Variants in SMUG1 observed in about 807,000 individuals in gnomAD.
The protein encoded by SMUG1 is single-strand-selective monofunctional uracil-DNA glycosylase 1.
Under a neutral mutation model 23.9 loss-of-function variants are expected in SMUG1, and 13 were observed. The observed-to-expected ratio is 0.54, with a 90% CI of 0.35 to 0.86. The LOEUF is 0.86. Ranked by LOEUF, SMUG1 falls within the 40% of genes least tolerant of loss-of-function variation. The pLI, the probability that SMUG1 is intolerant of heterozygous loss-of-function variation, is 0.01. For synonymous variants in SMUG1, 133 were observed against 139.8 expected, an observed-to-expected ratio of 0.95 and a Z score of 0.34; for missense variants, 313 against 339.5, an observed-to-expected ratio of 0.92 and a Z score of 0.61.
At chr12:54,171,830 T>A (rs1259491947) in intron 3 of SMUG1, among the ~76,000 whole-genome samples, 1 of 152,108 alleles carries the variant, frequency 6.6e-6, no homozygotes, top group Non-Finnish European at 1.5e-5. Context: ...CTGTGGTATT[T>A]CCCCATATCA....
chr12:54,161,487 C>T (rs958242037), downstream of SMUG1, among the ~76,000 whole-genome samples: 49 of 152,176 alleles, frequency 3.2e-4, no homozygotes, highest in Admixed American at 2.4e-3. The surrounding 1 kb of genome is among the most constrained non-coding windows in gnomAD (Gnocchi z 4.2). Context: ...TGGGCCTGGA[C>T]TTGCAGGATG....
At chr12:54,158,444 G>A (rs1282934562) in intron 4 of SMUG1, among the ~76,000 whole-genome samples, 2 of 152,078 alleles carry the variant, frequency 1.3e-5, no homozygotes, top group Non-Finnish European at 2.9e-5. Context: ...AAGAAATCTT[G>A]TAGTGGTCCC....
At chr12:54,162,491 C>T (rs951258804), downstream of SMUG1, 7 of 152,206 alleles carry the variant, frequency 4.6e-5, no homozygotes, top group African/African-American at 1.7e-4. Context: ...ACAGAACCTA[C>T]CTACATCCCA....
At chr12:54,165,746 A>T (rs1940434793) in intron 3 of SMUG1, among the ~76,000 whole-genome samples, 2 of 152,214 alleles carry the variant, frequency 1.3e-5, no homozygotes, top group African/African-American at 4.8e-5. Context: ...GAACAAGAAC[A>T]GATAAAGAAG....
chr12:54,176,514 C>T (rs1418493886), downstream of SMUG1, among the ~76,000 whole-genome samples: 2 of 111,244 alleles, frequency 1.8e-5, 1 homozygote, highest in South Asian at 7.1e-4. Flanking sequence ...CTGTCCCCCC[C>T]CAAAAAAAAA....
At chr12:54,169,533 G>A (rs894912275) in intron 3 of SMUG1, among the ~76,000 whole-genome samples, 1 of 151,858 alleles carries the variant, frequency 6.6e-6, no homozygotes, top group African/African-American at 2.4e-5. Context: ...AAAGTGATCT[G>A]GGGAGGGGTT....
intron 2 of SMUG1, among the ~76,000 whole-genome samples, chr12:54,185,666 C>T (rs1392197628): frequency 1.3e-5 from 2 of 151,318 alleles, no homozygotes; most frequent in African/African-American, 2.4e-5. Flanking sequence ...CAAAAATTAG[C>T]TGGGCATGGT....
chr12:54,160,052 G>A (rs567375419), downstream of SMUG1, among the ~76,000 whole-genome samples: 38 of 152,308 alleles, frequency 2.5e-4, no homozygotes, highest in African/African-American at 8.4e-4. Flanking sequence ...TTCTGACCCA[G>A]AGAGGGGAGC....
chr12:54,172,584 G>C (rs943937464), intron 2 of SMUG1, among the ~76,000 whole-genome samples: 1 of 152,198 alleles, frequency 6.6e-6, no homozygotes, highest in Non-Finnish European at 1.5e-5. Context: ...GGGCAGGGGG[G>C]ACGTGCCCCA....
chr12:54,170,944 C>A (rs1940599841), intron 3 of SMUG1, among the ~76,000 whole-genome samples: 1 of 151,256 alleles, frequency 6.6e-6, no homozygotes, highest in Non-Finnish European at 1.5e-5. Flanking sequence ...TCTACAACTT[C>A]TAAATATTGC....
chr12:54,182,370 G>A lies in SMUG1; in HGVS notation c.539C>T (p.Ala180Val). The A allele has an allele frequency of 6.2e-7, 1 of 1,614,186 alleles. No individual in the cohort carries two copies. Among genetic ancestry groups the A allele is most frequent in the Non-Finnish European group, 8.5e-7 (1 of 1,180,038 alleles). The change falls in exon 4 of 4, where the codon GCT (alanine) becomes GTT (valine). Residue 180 changes from alanine (A) to valine (V), a missense_variant. Physicochemically the swap from Ala to Val is moderately conservative, Grantham distance 64. Transcript: ENST00000682136. ...TTCTCGCTGCTTGGCAGGCAGCTCA[G>A]CAGGAGTAAGGTTGCGCCCGCTGGG... Reference protein sequence around the residue: ...LAPSGRNLTPAELPAKQREQL... With the variant: ...LAPSGRNLTPVELPAKQREQL...
chr12:54,160,701 T>C (rs565939185), downstream of SMUG1, among the ~76,000 whole-genome samples: 12 of 152,302 alleles, frequency 7.9e-5, no homozygotes, highest in Middle Eastern at 6.8e-3. Context: ...CAAGGCCTCA[T>C]TTCTTCCTTT....
chr12:54,181,775 A>T lies in SMUG1; in HGVS notation c.*321T>A. Reference sequence around the variant, plus strand: ...CTGTCTAGGGCACTCTCAGCTGAATAAAGTCTCCCAAGGAAACACTGAGGT... The same window carrying T: ...CTGTCTAGGGCACTCTCAGCTGAATTAAGTCTCCCAAGGAAACACTGAGGT... On this transcript the variant is annotated 3_prime_UTR_variant, in exon 4 of 4. Transcript: ENST00000682136. The T allele has an allele frequency of 6.9e-7, 1 of 1,443,610 alleles. No homozygotes were observed. Among genetic ancestry groups the T allele is most frequent in the Non-Finnish European group, 9.1e-7 (1 of 1,103,328 alleles). 89.4% of individuals were successfully genotyped at this position (1,443,610 alleles called of 1,614,324 possible). A position where few individuals can be genotyped will look rare whatever the true frequency, so the allele number is the denominator to read the frequency against.
Position 54,181,268 on chromosome 12 carries a change from C to T in SMUG1, c.*828G>A. ...GGCCGCAGGTGGAAGCCCAGACTCT[C>T]TCCTAGCAAGGTATCCAGAATGGAG... On this transcript the variant is annotated 3_prime_UTR_variant, in exon 4 of 4. Transcript: ENST00000682136. 1 of 404,466 alleles carries T rather than the reference C, an allele frequency of 2.5e-6. No homozygotes were observed. Among genetic ancestry groups the T allele is most frequent in the East Asian group, 3.9e-5 (1 of 25,718 alleles). 25.1% of individuals were successfully genotyped at this position (404,466 alleles called of 1,614,324 possible).
intron 3 of SMUG1, among the ~76,000 whole-genome samples, chr12:54,169,668 A>T (rs1940565247): frequency 6.6e-6 from 1 of 152,176 alleles, no homozygotes; most frequent in African/African-American, 2.4e-5. Flanking sequence ...ATCATTCAAG[A>T]ATCCTTAGTT....
downstream of SMUG1, among the ~76,000 whole-genome samples, chr12:54,176,763 C>T (rs1467478492): frequency 3.5e-5 from 5 of 144,560 alleles, no homozygotes; most frequent in Non-Finnish European, 7.6e-5. Flanking sequence ...GCCGAGATCG[C>T]GCCACTGCAC....
At chr12:54,163,521 C>A (rs1392424956), downstream of SMUG1, among the ~76,000 whole-genome samples, 1 of 152,190 alleles carries the variant, frequency 6.6e-6, no homozygotes, top group Non-Finnish European at 1.5e-5. Context: ...TAGGTTGAAT[C>A]TGGACTTGTG....
At chr12:54,161,803 C>T (rs958230584), downstream of SMUG1, among the ~76,000 whole-genome samples, 1 of 152,204 alleles carries the variant, frequency 6.6e-6, no homozygotes. This position sits in a 1 kb window ranked among gnomAD's most constrained non-coding sequence, Gnocchi z 4.2. Context: ...GCAGAAAGTC[C>T]CCTGTCAGCA....
intron 3 of SMUG1, among the ~76,000 whole-genome samples, chr12:54,166,003 A>C (rs1940448708): frequency 6.6e-6 from 1 of 152,244 alleles, no homozygotes; most frequent in African/African-American, 2.4e-5. Context: ...TGTCCTGGTC[A>C]CATTTGCCAC....
Sources: allele counts gnomAD v4.1 joint callset (sites outside exome capture counted in the v4.1 genomes callset), GRCh38; gene constraint gnomAD v4.1.1; non-coding constraint Gnocchi (gnomAD v3.1); transcripts MANE v1.5; gene names NCBI Gene and HGNC (gene_info 2026-07-23, HGNC 2026-07-21).